Variants in OR14A2 observed in about 807,000 individuals in gnomAD.
The protein encoded by OR14A2 is olfactory receptor 14A2.
For synonymous variants in OR14A2, 114 were observed against 58.6 expected (o/e 1.95, Z -4.32); for missense variants, 237 against 152.9 (o/e 1.55, Z -2.90).
the OR14A2 span, among the ~76,000 whole-genome samples, chr1:247,738,256 C>T: frequency 1.3e-5 from 2 of 152,158 alleles, no homozygotes; most frequent in East Asian, 3.9e-4. Context: ...GATATTTATA[C>T]ATGAAAATGT....
At chr1:247,725,000 C>A (rs1332650785), upstream of OR14A2, among the ~76,000 whole-genome samples, 1 of 151,614 alleles carries the variant, frequency 6.6e-6, no homozygotes, top group Admixed American at 6.6e-5. Context: ...AGACATCAAA[C>A]TAGATGGTAG....
chr1:247,724,592 G>A (rs1014414124), upstream of OR14A2, among the ~76,000 whole-genome samples: 3 of 152,080 alleles, frequency 2.0e-5, no homozygotes, highest in Admixed American at 1.3e-4. Flanking sequence ...ATGATAGTAA[G>A]CAAGGGAAAA....
At chr1:247,740,445 C>T in the OR14A2 span, among the ~76,000 whole-genome samples, 1 of 152,042 alleles carries the variant, frequency 6.6e-6, no homozygotes, top group Non-Finnish European at 1.5e-5. Flanking sequence ...ATACAATTAC[C>T]CAAACACTTA....
the OR14A2 span, among the ~76,000 whole-genome samples, chr1:247,745,389 GA>G: frequency 7.5e-5 from 11 of 146,592 alleles, no homozygotes; most frequent in Admixed American, 5.4e-4. Context: ...TGGTAGCTTG[GA>G]AAAAAAAATA....
At chr1:247,734,215 A>G in the OR14A2 span, among the ~76,000 whole-genome samples, 1 of 152,128 alleles carries the variant, frequency 6.6e-6, no homozygotes, top group African/African-American at 2.4e-5. Context: ...GGATTAGGGC[A>G]CGCAGAGACC....
At chr1:247,723,780 ATTG>A (rs1660263762) in exon 1 of OR14A2, 1 of 718,224 alleles carries the variant, frequency 1.4e-6, no homozygotes, top group East Asian at 2.7e-5. Flanking sequence ...TGGAAATGGA[ATTG>A]TTGTGGGTTA....
upstream of OR14A2, among the ~76,000 whole-genome samples, chr1:247,725,378 T>A (rs1344430751): frequency 6.6e-6 from 1 of 152,028 alleles, no homozygotes; most frequent in Non-Finnish European, 1.5e-5. Context: ...ATTTATTAGC[T>A]TACTTCAATG....
At chr1:247,742,799 C>A in the OR14A2 span, among the ~76,000 whole-genome samples, 1 of 151,950 alleles carries the variant, frequency 6.6e-6, no homozygotes, top group Non-Finnish European at 1.5e-5. Flanking sequence ...GGGAAAGACA[C>A]AAAAAGGGGC....
chr1:247,724,184 A>G (rs1286041994), upstream of OR14A2: 2 of 527,334 alleles, frequency 3.8e-6, no homozygotes, highest in African/African-American at 1.9e-5. Context: ...GGAGTCATGT[A>G]CCTACCTAAA....
chr1:247,740,977 C>T, the OR14A2 span, among the ~76,000 whole-genome samples: 8 of 152,188 alleles, frequency 5.3e-5, no homozygotes, highest in Non-Finnish European at 1.2e-4. Context: ...CTTTCAAACT[C>T]TGTATGCTCA....
At chr1:247,736,262 T>C in the OR14A2 span, among the ~76,000 whole-genome samples, 2 of 151,912 alleles carry the variant, frequency 1.3e-5, no homozygotes, top group South Asian at 2.1e-4. Context: ...GTTAATATGA[T>C]ATAGAAATGG....
the OR14A2 span, among the ~76,000 whole-genome samples, chr1:247,745,389 G>GA: frequency 0.16 from 24,162 of 146,484 alleles, 3,677 homozygotes; most frequent in African/African-American, 0.41. Flanking sequence ...TGGTAGCTTG[G>GA]AAAAAAAAAT....
At chr1:247,725,287 C>T (rs139781393), upstream of OR14A2, among the ~76,000 whole-genome samples, 729 of 151,914 alleles carry the variant, frequency 4.8e-3, 2 homozygotes, top group Non-Finnish European at 6.9e-3. Context: ...GTAAAGGTTA[C>T]GGACATTTGG....
At chr1:247,739,328 C>T in the OR14A2 span, 1 of 780,678 alleles carries the variant, frequency 1.3e-6, no homozygotes, top group African/African-American at 1.7e-5. Flanking sequence ...CCTTTTCCAA[C>T]TGTGTGCCTC....
chr1:247,747,695 A>C, the OR14A2 span, among the ~76,000 whole-genome samples: 1 of 152,152 alleles, frequency 6.6e-6, no homozygotes, highest in Non-Finnish European at 1.5e-5. Context: ...GTTTGGTCCC[A>C]TTAGATTTGG....
the OR14A2 span, among the ~76,000 whole-genome samples, chr1:247,731,738 T>C: frequency 6.6e-6 from 1 of 152,150 alleles, no homozygotes; most frequent in Non-Finnish European, 1.5e-5. Flanking sequence ...GAAATCCCAT[T>C]TGTATACTGA....
the OR14A2 span, among the ~76,000 whole-genome samples, chr1:247,731,500 C>T: frequency 1.3e-5 from 2 of 151,954 alleles, no homozygotes; most frequent in African/African-American, 4.8e-5. Context: ...CTTGTACCTA[C>T]AGATTTCTAT....
the OR14A2 span, chr1:247,739,030 G>A: frequency 1.4e-5 from 11 of 780,668 alleles, no homozygotes; most frequent in South Asian, 1.1e-4. Flanking sequence ...AGAGGGCTCT[G>A]TGTCCAGTTG....
At chr1:247,738,335 T>G in the OR14A2 span, among the ~76,000 whole-genome samples, 1 of 152,136 alleles carries the variant, frequency 6.6e-6, no homozygotes, top group African/African-American at 2.4e-5. Context: ...ATAAAATCAC[T>G]CAAAAGTCAT....
Sources: gnomAD v4.1 joint callset for allele counts (sites outside exome capture counted in the v4.1 genomes callset) on GRCh38, gnomAD v4.1.1 for gene constraint, MANE v1.5 for transcripts, NCBI Gene and HGNC (gene_info 2026-07-23, HGNC 2026-07-21) for gene names.